Variants in PCSK5 observed in about 807,000 individuals in gnomAD.
PCSK5 encodes the protein prohormone convertase 5.
In PCSK5, 129 loss-of-function variants were observed where a neutral mutation model predicts 233.2. That is an observed-to-expected ratio of 0.55 (90% CI 0.48 to 0.64). The LOEUF is 0.64. Ranked by LOEUF, PCSK5 falls within the 30% of genes least tolerant of loss-of-function variation. The pLI is 0.00. For synonymous variants in PCSK5, 825 were observed against 879.2 expected, an observed-to-expected ratio of 0.94 and a Z score of 1.09; for missense variants, 2,076 against 2,430.1, an observed-to-expected ratio of 0.85 and a Z score of 3.06.
At chr9:75,903,862 C>T (rs921914942) in intron 1 of PCSK5, among the ~76,000 whole-genome samples, 5 of 151,696 alleles carry the variant, frequency 3.3e-5, no homozygotes, top group Non-Finnish European at 5.9e-5. Context: ...AGCAAATATC[C>T]ATAATGTAAA....
Position 76,331,495 on chromosome 9 carries a change from G to A in PCSK5, c.4571-938G>A, listed in dbSNP as rs888276018. ...ATCCTGGCTAAAACGGTGAAACCCC[G>A]TCTCTACTAAAAATACAAAAAATTA... On this transcript the variant is annotated intron_variant, in intron 33 of 37. Coordinates refer to ENST00000674117, the MANE Select transcript of PCSK5 (RefSeq NM_001372043.1). Among the ~76,000 whole-genome samples the A allele has an allele frequency of 3.9e-5, 6 of 151,910 alleles. No homozygotes were observed. In the South Asian group the frequency reaches 6.2e-4, roughly 16 times the overall value.
chr9:76,302,573 G>A (rs1431651341), intron 28 of PCSK5, among the ~76,000 whole-genome samples: 1 of 152,152 alleles, frequency 6.6e-6, no homozygotes, highest in Admixed American at 6.5e-5. Flanking sequence ...AGCATTGTTT[G>A]AAATCACAAA....
chr9:76,101,102 T>G (rs1831737251), intron 8 of PCSK5, among the ~76,000 whole-genome samples: 1 of 152,218 alleles, frequency 6.6e-6, no homozygotes, highest in Admixed American at 6.5e-5. Flanking sequence ...CTACTTCACC[T>G]GGTAGTACAT....
At chr9:76,207,853 T>G (rs1825184499) in intron 20 of PCSK5, among the ~76,000 whole-genome samples, 1 of 152,194 alleles carries the variant, frequency 6.6e-6, no homozygotes, top group Non-Finnish European at 1.5e-5. Context: ...TGCTTCCTGC[T>G]GCTATAACAG....
intron 12 of PCSK5, among the ~76,000 whole-genome samples, chr9:76,168,958 G>A (rs1318952965): frequency 6.6e-6 from 1 of 152,138 alleles, no homozygotes; most frequent in Non-Finnish European, 1.5e-5. Flanking sequence ...GAATCATGCA[G>A]TATGTAGTCT....
intron 1 of PCSK5, among the ~76,000 whole-genome samples, chr9:75,909,241 T>G (rs62559221): frequency 0.077 from 11,551 of 149,734 alleles, 547 homozygotes; most frequent in African/African-American, 0.12. Flanking sequence ...CAGGAGAATT[T>G]CTGGAACCCG....
chr9:76,145,596 C>T (rs1003706494), intron 10 of PCSK5, among the ~76,000 whole-genome samples: 2 of 152,202 alleles, frequency 1.3e-5, no homozygotes, highest in African/African-American at 4.8e-5. Flanking sequence ...AGTTTGGATT[C>T]TGGCATCAGA....
intron 20 of PCSK5, among the ~76,000 whole-genome samples, chr9:76,226,076 G>C (rs1326646230): frequency 6.6e-6 from 1 of 152,134 alleles, no homozygotes; most frequent in African/African-American, 2.4e-5. Flanking sequence ...TTGTATATAA[G>C]TTTCCCAGTC....
intron 2 of PCSK5, among the ~76,000 whole-genome samples, chr9:75,950,142 T>TGGGG (rs1563932278): frequency 1.0e-4 from 10 of 98,336 alleles, no homozygotes; most frequent in Non-Finnish European, 1.4e-4. Context: ...TGTGTGTGTG[T>TGGGG]GTGGGGGGGG....
At chr9:76,072,406 A>C (rs754195535) in intron 7 of PCSK5, among the ~76,000 whole-genome samples, 2 of 152,188 alleles carry the variant, frequency 1.3e-5, no homozygotes, top group Non-Finnish European at 2.9e-5. Flanking sequence ...ACACCAAAAA[A>C]TTGATTGACC....
intron 2 of PCSK5, among the ~76,000 whole-genome samples, chr9:75,975,427 A>G (rs967259569): frequency 6.6e-6 from 1 of 152,162 alleles, no homozygotes; most frequent in Non-Finnish European, 1.5e-5. Context: ...GCTTTTTGAT[A>G]TTTAGCAGAT....
chr9:76,309,676 CAA>C (rs781340914), intron 29 of PCSK5, among the ~76,000 whole-genome samples: 17 of 114,522 alleles, frequency 1.5e-4, no homozygotes, highest in Admixed American at 1.8e-4. Flanking sequence ...GACGCTGCCT[CAA>C]AAAAAAAAAA....
intron 20 of PCSK5, among the ~76,000 whole-genome samples, chr9:76,210,136 G>C (rs1359951069): frequency 6.6e-6 from 1 of 152,116 alleles, no homozygotes; most frequent in East Asian, 1.9e-4. Flanking sequence ...TTTTTTTAGG[G>C]GAGGTCAAAG....
At chr9:76,330,264 TCC>T (rs1829486932) in intron 33 of PCSK5, among the ~76,000 whole-genome samples, 1 of 152,166 alleles carries the variant, frequency 6.6e-6, no homozygotes, top group African/African-American at 2.4e-5. Flanking sequence ...TGAAACAATG[TCC>T]TCAGGTTCCC....
At chr9:75,941,589 T>C (rs1824307524) in intron 2 of PCSK5, among the ~76,000 whole-genome samples, 1 of 152,192 alleles carries the variant, frequency 6.6e-6, no homozygotes, top group Non-Finnish European at 1.5e-5. Context: ...TTTTTTGCCA[T>C]GTTTTCACCA....
intron 3 of PCSK5, among the ~76,000 whole-genome samples, chr9:75,997,469 A>C (rs1464197773): frequency 6.6e-6 from 1 of 152,222 alleles, no homozygotes; most frequent in Non-Finnish European, 1.5e-5. Flanking sequence ...CAATGTAAGG[A>C]GATCCTTGAT....
At chr9:76,080,410 G>A (rs3949422) in intron 7 of PCSK5, among the ~76,000 whole-genome samples, 1 of 151,824 alleles carries the variant, frequency 6.6e-6, no homozygotes, top group Non-Finnish European at 1.5e-5. Flanking sequence ...TTGTCTCTTC[G>A]ATGCTTGTAC....
chr9:76,235,560 G>A (rs145194939), intron 22 of PCSK5, among the ~76,000 whole-genome samples: 2 of 151,944 alleles, frequency 1.3e-5, no homozygotes, highest in East Asian at 3.9e-4. Flanking sequence ...AAGTTACTAT[G>A]CCCTGAATGC....
At chr9:76,052,589 G>A (rs1482594449) in intron 5 of PCSK5, among the ~76,000 whole-genome samples, 1 of 152,148 alleles carries the variant, frequency 6.6e-6, no homozygotes, top group Non-Finnish European at 1.5e-5. Context: ...GATGCGTGGG[G>A]ATTATGGCAG....
Sources: gnomAD v4.1 joint callset for allele counts (sites outside exome capture counted in the v4.1 genomes callset) on GRCh38, gnomAD v4.1.1 for gene constraint, MANE v1.5 for transcripts, NCBI Gene and HGNC (gene_info 2026-07-23, HGNC 2026-07-21) for gene names.